The following ADGRL3 variants were observed in gnomAD, a reference collection of about 807,000 sequenced individuals.
ADGRL3 encodes adhesion G protein-coupled receptor L3.
ADGRL3 carries 62 observed loss-of-function variants against 153.5 expected under a neutral mutation model. The ratio of observed to expected loss-of-function variants is 0.40; its 90% CI spans 0.33 to 0.50. The LOEUF is 0.50. Among genes scored for constraint, ADGRL3 ranks in the 20% least tolerant of loss-of-function variants. ADGRL3 has a pLI of 0.47. For missense variants in ADGRL3, 1,641 were observed against 1,859.4 expected (o/e 0.88, Z 2.16); for synonymous variants, 710 against 672.5 (o/e 1.06, Z -0.86).
intron 4 of ADGRL3, among the ~76,000 whole-genome samples, chr4:61,538,823 A>C (rs6849316): frequency 0.35 from 52,840 of 151,896 alleles, 9,724 homozygotes; most frequent in East Asian, 0.47. Context: ...TCTGACAATG[A>C]ATGGAAGCCC....
chr4:61,984,002 CT>C (rs1432364419), intron 19 of ADGRL3, among the ~76,000 whole-genome samples: 2 of 152,146 alleles, frequency 1.3e-5, no homozygotes, highest in African/African-American at 4.8e-5. Context: ...ACTGGAAAGC[CT>C]TTTATGTCAT....
intron 5 of ADGRL3, among the ~76,000 whole-genome samples, chr4:61,642,058 T>A (rs971787368): frequency 1.3e-5 from 2 of 150,302 alleles, no homozygotes; most frequent in African/African-American, 4.9e-5. Flanking sequence ...CATTTTTTCA[T>A]GTGTTTTTTG....
At chr4:61,904,175 A>AT (rs1283094440) in intron 11 of ADGRL3, among the ~76,000 whole-genome samples, 5 of 51,956 alleles carry the variant, frequency 9.6e-5, no homozygotes, top group Non-Finnish European at 6.4e-5. Context: ...TTTATTGTTC[A>AT]TTAAAAAAAA....
chr4:61,653,170 TCACACACA>T (rs34273823), intron 5 of ADGRL3, among the ~76,000 whole-genome samples: 25 of 91,078 alleles, frequency 2.7e-4, no homozygotes, highest in South Asian at 1.0e-3. Flanking sequence ...TCTCTCTCTC[TCACACACA>T]CACACACACA....
At chr4:61,840,325 C>G (rs1183376799) in intron 9 of ADGRL3, among the ~76,000 whole-genome samples, 3 of 152,192 alleles carry the variant, frequency 2.0e-5, no homozygotes, top group African/African-American at 4.8e-5. Flanking sequence ...AGTGATTCAC[C>G]TGCCTCAGCC....
At chr4:62,005,946 A>G (rs1462118970) in intron 21 of ADGRL3, among the ~76,000 whole-genome samples, 2 of 139,770 alleles carry the variant, frequency 1.4e-5, no homozygotes, top group Non-Finnish European at 3.0e-5. Context: ...ATTTATATAT[A>G]TACATACATA....
At chr4:61,546,574 C>T (rs9312078) in intron 4 of ADGRL3, among the ~76,000 whole-genome samples, 90,117 of 151,848 alleles carry the variant, frequency 0.59, 27,179 homozygotes, top group East Asian at 0.91. Context: ...CATATAATGC[C>T]GTACTACTGC....
intron 1 of ADGRL3, among the ~76,000 whole-genome samples, chr4:61,239,176 T>C (rs558945276): frequency 6.6e-6 from 1 of 152,256 alleles, no homozygotes; most frequent in East Asian, 1.9e-4. Context: ...ATGGTGGTGG[T>C]TAGGAGAGTC....
chr4:61,681,782 T>A (rs532786893), intron 6 of ADGRL3, among the ~76,000 whole-genome samples: 1 of 152,270 alleles, frequency 6.6e-6, no homozygotes, highest in African/African-American at 2.4e-5. Context: ...CATATTTAAA[T>A]GTGTACACAT....
chr4:61,934,897 G>C lies in ADGRL3; in HGVS notation c.2170G>C (p.Asp724His). Reference sequence around the variant, plus strand: ...GCCACAAGCTTTGAATGCATGGAGAGACCTGACTACGAGTGATCAGCTGCG... The same window carrying C: ...GCCACAAGCTTTGAATGCATGGAGACACCTGACTACGAGTGATCAGCTGCG... ...LQPQALNAWR[D>H]LTTSDQLRAA... Residue 724 changes from aspartate (D) to histidine (H), a missense_variant, in exon 14 of 27, where the codon GAC becomes CAC. Transcript: ENST00000683033. 1 of 1,613,832 alleles carries C rather than the reference G, an allele frequency of 6.2e-7. No homozygotes were observed. Among genetic ancestry groups the C allele is most frequent in the Admixed American group, 1.7e-5 (1 of 59,950 alleles).
chr4:61,874,516 C>T (rs1206520591), intron 9 of ADGRL3, among the ~76,000 whole-genome samples: 1 of 151,896 alleles, frequency 6.6e-6, no homozygotes, highest in Non-Finnish European at 1.5e-5. Context: ...ATACACAGAG[C>T]TGTGAATATC....
intron 5 of ADGRL3, among the ~76,000 whole-genome samples, chr4:61,627,055 C>CTT (rs1191993708): frequency 1.3e-5 from 2 of 151,940 alleles, no homozygotes; most frequent in Non-Finnish European, 2.9e-5. Flanking sequence ...GGATTTGCTC[C>CTT]TTTTCAAATA....
At chr4:61,629,201 A>T (rs985877552) in intron 5 of ADGRL3, among the ~76,000 whole-genome samples, 6 of 152,182 alleles carry the variant, frequency 3.9e-5, no homozygotes, top group East Asian at 3.9e-4. Context: ...TGAAAGAACA[A>T]CCTGGAACAT....
chr4:61,264,271 A>T (rs2092714769), intron 1 of ADGRL3, among the ~76,000 whole-genome samples: 1 of 151,982 alleles, frequency 6.6e-6, no homozygotes, highest in Non-Finnish European at 1.5e-5. Context: ...AGGGGGACTG[A>T]ATTGAAATTG....
At chr4:61,685,383 C>T (rs1227038041) in intron 6 of ADGRL3, among the ~76,000 whole-genome samples, 1 of 151,926 alleles carries the variant, frequency 6.6e-6, no homozygotes, top group Non-Finnish European at 1.5e-5. Flanking sequence ...TGAACCAATA[C>T]ATGTAAATAT....
At chr4:61,976,151 G>T (rs1366170128) in intron 17 of ADGRL3, among the ~76,000 whole-genome samples, 1 of 152,090 alleles carries the variant, frequency 6.6e-6, no homozygotes, top group East Asian at 1.9e-4. Context: ...TATAATCCCT[G>T]CTCTCAAGGT....
intron 2 of ADGRL3, among the ~76,000 whole-genome samples, chr4:61,470,121 A>G (rs1202574694): frequency 1.3e-5 from 2 of 152,080 alleles, no homozygotes; most frequent in African/African-American, 4.8e-5. Context: ...GGGAGTATGA[A>G]AGAGTAAACA....
chr4:61,769,721 G>A (rs1453848833), intron 8 of ADGRL3, among the ~76,000 whole-genome samples: 1 of 151,538 alleles, frequency 6.6e-6, no homozygotes, highest in African/African-American at 2.4e-5. Flanking sequence ...AAGGGGGTTT[G>A]TTCTCTGGCG....
intron 1 of ADGRL3, among the ~76,000 whole-genome samples, chr4:61,324,341 TG>T (rs1443009823): frequency 4.6e-5 from 7 of 152,064 alleles, no homozygotes; most frequent in Admixed American, 1.3e-4. Flanking sequence ...AACGTATACC[TG>T]GAAGTGGAAA....
Sources: gnomAD v4.1 joint callset for allele counts (sites outside exome capture counted in the v4.1 genomes callset) on GRCh38, gnomAD v4.1.1 for gene constraint, MANE v1.5 for transcripts, NCBI Gene and HGNC (gene_info 2026-07-23, HGNC 2026-07-21) for gene names.